The following LTBP1 variants were observed in gnomAD, a reference collection of about 807,000 sequenced individuals.
LTBP1 encodes the protein latent-transforming growth factor beta-binding protein 1.
LTBP1 carries 129 observed loss-of-function variants against 207.6 expected under a neutral mutation model. That is an observed-to-expected ratio of 0.62 (90% CI 0.54 to 0.72). The LOEUF (loss-of-function observed/expected upper bound fraction) is 0.72. Ranked by LOEUF, LTBP1 falls within the 30% of genes least tolerant of loss-of-function variation. The probability of loss-of-function intolerance (pLI) is 0.00; values close to 1 mark genes in which losing one functional copy is unlikely to be tolerated. For synonymous variants in LTBP1, 963 were observed against 833.7 expected (o/e 1.16, Z -2.67); for missense variants, 2,281 against 2,217.2 (o/e 1.03, Z -0.58).
chr2:33,194,665 A>T (rs1250200775), intron 7 of LTBP1, among the ~76,000 whole-genome samples: 1 of 152,256 alleles, frequency 6.6e-6, no homozygotes, highest in African/African-American at 2.4e-5. Context: ...GAAAGAAGCC[A>T]TCTGCATACC....
At chr2:33,044,989 A>G (rs1172793488) in intron 3 of LTBP1, among the ~76,000 whole-genome samples, 1 of 151,846 alleles carries the variant, frequency 6.6e-6, no homozygotes. Flanking sequence ...AATTTGTTTA[A>G]GTTCTTTGTA....
chr2:33,151,572 C>A (rs1258077113), intron 5 of LTBP1, among the ~76,000 whole-genome samples: 1 of 152,062 alleles, frequency 6.6e-6, no homozygotes, highest in Non-Finnish European at 1.5e-5. Context: ...ACCCGAGCAG[C>A]ATATTCTGTA....
intron 7 of LTBP1, among the ~76,000 whole-genome samples, chr2:33,202,742 C>A (rs550839733): frequency 3.9e-5 from 6 of 152,362 alleles, no homozygotes; most frequent in African/African-American, 1.2e-4. Context: ...GTGGCTCTCT[C>A]TTCCTCCCCA....
In LTBP1 at chr2:33,326,072, C is replaced by A. The variant is rs138767752; in HGVS notation, c.3730+10803C>A. ...TGACTTATAGTGTTTATAGTTTTTGCTTTTGTTAAAAAAAAAAACAGTGTT... is the reference window on the plus strand; with the variant it reads ...TGACTTATAGTGTTTATAGTTTTTGATTTTGTTAAAAAAAAAAACAGTGTT... On this transcript the variant is annotated intron_variant, in intron 24 of 33. Coordinates refer to ENST00000404816, the MANE Select transcript of LTBP1 (RefSeq NM_206943.4). Among the ~76,000 whole-genome samples, 526 of 131,280 alleles carry A rather than the reference C, an allele frequency of 4.0e-3. 2 individuals are homozygous for A. Among genetic ancestry groups the A allele is most frequent in the African/African-American group, 0.013 (505 of 38,540 alleles). 86.1% of individuals were successfully genotyped at this position (131,280 alleles called of 152,430 possible).
At chr2:33,372,175 A>G (rs769563664) in intron 31 of LTBP1, among the ~76,000 whole-genome samples, 5 of 152,176 alleles carry the variant, frequency 3.3e-5, no homozygotes, top group Non-Finnish European at 7.3e-5. Flanking sequence ...CGTACCAGTA[A>G]GTGGAAGCTT....
At chr2:32,974,768 A>G (rs890806630) in intron 2 of LTBP1, among the ~76,000 whole-genome samples, 1 of 152,140 alleles carries the variant, frequency 6.6e-6, no homozygotes, top group Non-Finnish European at 1.5e-5. Flanking sequence ...TACGGATGTC[A>G]TTTTATGTGA....
intron 31 of LTBP1, among the ~76,000 whole-genome samples, chr2:33,386,826 C>CTTTTTTTTTT (rs1009498572): frequency 8.4e-6 from 1 of 119,350 alleles, no homozygotes; most frequent in African/African-American, 3.5e-5. Context: ...GAGCAAGACC[C>CTTTTTTTTTT]TTTTTTTTTT....
intron 31 of LTBP1, 27 bp from the exon 32 acceptor site, chr2:33,389,157 G>A (rs779393485): frequency 3.7e-6 from 6 of 1,613,858 alleles, no homozygotes; most frequent in Non-Finnish European, 5.1e-6. Flanking sequence ...CAGTGGTGGG[G>A]CCTCATGCTG....
rs575897430 is a variant in LTBP1 at position 33,360,438 on chromosome 2, A to G, written c.4001-159A>G. On this transcript the variant is annotated intron_variant, in intron 26 of 33. Coordinates refer to ENST00000404816, the MANE Select transcript of LTBP1 (RefSeq NM_206943.4). ...AAACTAAGGATTCAAGTGCATTTTTATCTCAAAGTGGAAGAATCTGACACT... is the reference window on the plus strand; with the variant it reads ...AAACTAAGGATTCAAGTGCATTTTTGTCTCAAAGTGGAAGAATCTGACACT... Among the ~76,000 whole-genome samples the G allele has an allele frequency of 2.6e-5, 4 of 152,342 alleles. No homozygotes were observed. The South Asian group carries it at 8.3e-4, about 32-fold the overall frequency.
chr2:32,962,276 A>T (rs1475573532), intron 2 of LTBP1, among the ~76,000 whole-genome samples: 1 of 152,190 alleles, frequency 6.6e-6, no homozygotes, highest in Admixed American at 6.5e-5. Context: ...TTATTCTCCT[A>T]AAAGTAGGGT....
At position 33,173,131 on chromosome 2, in the gene LTBP1, A is replaced by T. The variant is rs191705217; in HGVS notation, c.1202-13725A>T. ...AGAGCAAACACATTCAAAAGCTAGC[A>T]GAAGGCAAGAAATAACTAAAATCAG... On this transcript the variant is annotated intron_variant, in intron 5 of 33. Transcript: ENST00000404816. Among the ~76,000 whole-genome samples, 66 of 152,344 alleles carry T rather than the reference A, an allele frequency of 4.3e-4. No homozygotes were observed. The East Asian group carries it at 0.012, about 28-fold the overall frequency.
chr2:32,997,637 C>T (rs1685491948), intron 2 of LTBP1, among the ~76,000 whole-genome samples: 2 of 152,186 alleles, frequency 1.3e-5, no homozygotes, highest in African/African-American at 2.4e-5. Flanking sequence ...TGCCTTCATT[C>T]CCCTGCCTTA....
chr2:33,247,133 G>A (rs141402197), intron 10 of LTBP1, among the ~76,000 whole-genome samples: 2,950 of 152,300 alleles, frequency 0.019, 43 homozygotes, highest in Middle Eastern at 0.1. Context: ...TTGCCTTTTC[G>A]TAGTATTCTT....
At chr2:32,957,311 T>A (rs1678243466) in intron 2 of LTBP1, among the ~76,000 whole-genome samples, 1 of 152,248 alleles carries the variant, frequency 6.6e-6, no homozygotes, top group South Asian at 2.1e-4. Context: ...ATCTTGGCTT[T>A]CTACATGCCT....
At chr2:33,345,565 C>T (rs17644831) in intron 25 of LTBP1, among the ~76,000 whole-genome samples, 2,915 of 152,288 alleles carry the variant, frequency 0.019, 44 homozygotes, top group Middle Eastern at 0.065. Context: ...CTCAATATGA[C>T]TGTCGGTTGA....
intron 8 of LTBP1, among the ~76,000 whole-genome samples, chr2:33,218,955 A>G (rs553833902): frequency 1.3e-5 from 2 of 152,220 alleles, no homozygotes; most frequent in African/African-American, 4.8e-5. Flanking sequence ...TCTATATTCA[A>G]TCTAGGATTT....
At chr2:33,179,148 C>T (rs139990805) in intron 5 of LTBP1, among the ~76,000 whole-genome samples, 1,974 of 152,242 alleles carry the variant, frequency 0.013, 38 homozygotes, top group African/African-American at 0.045. Context: ...GCTTTGAATG[C>T]GGCCCAACAC....
intron 23 of LTBP1, 81 bp from the exon 24 acceptor site, chr2:33,315,063 A>C: frequency 1.7e-6 from 2 of 1,148,764 alleles, no homozygotes; most frequent in Non-Finnish European, 2.5e-6. Context: ...GTCATAATAG[A>C]TTTATTTGCC....
In LTBP1 at chr2:33,397,436, T is replaced by A. The variant is rs566644808; in HGVS notation, c.4984+154T>A. Among the ~76,000 whole-genome samples the A allele has an allele frequency of 5.9e-5, 9 of 152,218 alleles. No individual in the cohort carries two copies. In the South Asian group the frequency reaches 1.9e-3, roughly 32 times the overall value. The stretch of plus-strand genomic sequence containing the variant: ...ACATTAAGTACAGTATGAATATACT[T>A]AATGCCACTGGACTATATACTTAAA... On this transcript the variant is annotated intron_variant, in intron 33 of 33. Transcript: ENST00000404816.
Sources: gnomAD v4.1 joint callset for allele counts (sites outside exome capture counted in the v4.1 genomes callset) on GRCh38, gnomAD v4.1.1 for gene constraint, MANE v1.5 for transcripts, NCBI Gene and HGNC (gene_info 2026-07-23, HGNC 2026-07-21) for gene names.